COL25A1: variants seen among roughly 807,000 people sequenced by gnomAD.
COL25A1 encodes collagen type XXV alpha 1 chain.
In COL25A1, 103 loss-of-function variants were observed where a neutral mutation model predicts 128.4. The ratio of observed to expected loss-of-function variants is 0.80; its 90% CI spans 0.68 to 0.94. The LOEUF (loss-of-function observed/expected upper bound fraction) is 0.94. Among genes scored for constraint, COL25A1 ranks in the 40% least tolerant of loss-of-function variants. The pLI, the probability that COL25A1 is intolerant of heterozygous loss-of-function variation, is 0.00. For synonymous variants in COL25A1, 279 were observed against 277.2 expected (o/e 1.01, Z -0.06); for missense variants, 745 against 840.0 (o/e 0.89, Z 1.40).
chr4:109,165,398 T>A (rs1384199173), intron 3 of COL25A1, among the ~76,000 whole-genome samples: 1 of 152,108 alleles, frequency 6.6e-6, no homozygotes, highest in Non-Finnish European at 1.5e-5. Context: ...TTAAAGGGAA[T>A]TTTGGACACT....
chr4:109,082,694 G>A (rs546772721), intron 3 of COL25A1, among the ~76,000 whole-genome samples: 2 of 152,250 alleles, frequency 1.3e-5, no homozygotes, highest in Admixed American at 6.5e-5. Context: ...AGATACGCAT[G>A]CCTTGCGGGA....
At chr4:109,211,282 ATATGAAAC>A (rs1327313228) in intron 3 of COL25A1, among the ~76,000 whole-genome samples, 19 of 119,970 alleles carry the variant, frequency 1.6e-4, no homozygotes, top group South Asian at 2.9e-4. Context: ...AACTATATAT[ATATGAAAC>A]TATATATATA....
chr4:109,012,300 T>C lies in COL25A1; in HGVS notation c.421-1925A>G, dbSNP rs184503266. Among the ~76,000 whole-genome samples the C allele has an allele frequency of 1.3e-3, 202 of 152,354 alleles. 4 individuals carry two copies. Among genetic ancestry groups the C allele is most frequent in the Admixed American group, 0.012 (185 of 15,304 alleles). ...TTCCAGATCCATGTACTGGGTGAAA[T>C]TGAGAGGTGACAACGTGCTAGCAGC... On this transcript the variant is annotated intron_variant, in intron 5 of 37. Transcript: ENST00000399132.
intron 3 of COL25A1, among the ~76,000 whole-genome samples, chr4:109,119,791 G>T (rs1232167649): frequency 2.6e-5 from 4 of 152,018 alleles, no homozygotes; most frequent in Non-Finnish European, 5.9e-5. Context: ...TACAGGGCCA[G>T]CATTATCCTA....
At chr4:108,846,038 A>G in intron 28 of COL25A1, 101 bp downstream of exon 28, 1 of 748,082 alleles carries the variant, frequency 1.3e-6, no homozygotes, top group Non-Finnish European at 2.2e-6. Flanking sequence ...GAACCACTAG[A>G]TGAGATTGCA....
At chr4:108,886,322 G>T (rs1489002822) in intron 18 of COL25A1, among the ~76,000 whole-genome samples, 1 of 151,846 alleles carries the variant, frequency 6.6e-6, no homozygotes, top group Non-Finnish European at 1.5e-5. Context: ...ACCATAAAAG[G>T]TTATTTTCTA....
At chr4:108,948,179 G>A (rs1748997432) in intron 8 of COL25A1, among the ~76,000 whole-genome samples, 1 of 152,134 alleles carries the variant, frequency 6.6e-6, no homozygotes, top group Admixed American at 6.5e-5. Context: ...ACTGCTAGAA[G>A]GCTAAATTAA....
chr4:108,931,641 T>C (rs1308056433), intron 11 of COL25A1, among the ~76,000 whole-genome samples: 1 of 152,176 alleles, frequency 6.6e-6, no homozygotes, highest in Non-Finnish European at 1.5e-5. Context: ...TAGACACCTC[T>C]GGAGAAGTCT....
At chr4:108,975,210 T>G (rs1018552249) in intron 6 of COL25A1, among the ~76,000 whole-genome samples, 4 of 152,230 alleles carry the variant, frequency 2.6e-5, no homozygotes, top group African/African-American at 9.6e-5. Flanking sequence ...ATCCCAGCAC[T>G]TGGGGAGGCC....
At chr4:109,007,231 A>C (rs1756107790) in intron 6 of COL25A1, among the ~76,000 whole-genome samples, 1 of 152,218 alleles carries the variant, frequency 6.6e-6, no homozygotes, top group Non-Finnish European at 1.5e-5. Flanking sequence ...CAAAATATAC[A>C]GATGGATAGG....
chr4:108,941,107 T>C (rs556725390), intron 9 of COL25A1, among the ~76,000 whole-genome samples: 34 of 152,344 alleles, frequency 2.2e-4, no homozygotes, highest in African/African-American at 7.9e-4. Flanking sequence ...GCTTAGAAAC[T>C]GGATCTGTTA....
At chr4:109,210,451 A>C (rs1466772475) in intron 3 of COL25A1, among the ~76,000 whole-genome samples, 1 of 152,210 alleles carries the variant, frequency 6.6e-6, no homozygotes, top group Admixed American at 6.5e-5. Context: ...ACACTGCAGA[A>C]TGCAGTCTAC....
chr4:109,026,530 G>A (rs1758307436), intron 5 of COL25A1, among the ~76,000 whole-genome samples: 1 of 152,200 alleles, frequency 6.6e-6, no homozygotes, highest in African/African-American at 2.4e-5. Flanking sequence ...ATGTTTAAAG[G>A]TTCAGAGGCT....
chr4:108,832,978 A>AATAAATAAATAAATAAATAC lies in COL25A1; in HGVS notation c.1657-546_1657-545insGTATTTATTTATTTATTTAT, dbSNP rs1205113423. ...CGAGACTCCGTCTCAAAAAATAATA[A>AATAAATAAATAAATAAATAC]ATAAATAAATAAATAAATAAATAAA... On this transcript the variant is annotated intron_variant, in intron 31 of 37. Coordinates refer to ENST00000399132, the MANE Select transcript of COL25A1 (RefSeq NM_198721.4). 7.0e-3 allele frequency among the ~76,000 whole-genome samples: 1,051 copies of AATAAATAAATAAATAAATAC among 151,038 alleles called. 23 individuals are homozygous for AATAAATAAATAAATAAATAC. The highest frequency in any genetic ancestry group is 0.061 in the South Asian group (291 of 4,796).
chr4:109,274,003 T>G (rs1442323974), intron 3 of COL25A1, among the ~76,000 whole-genome samples: 1 of 152,190 alleles, frequency 6.6e-6, no homozygotes, highest in Admixed American at 6.5e-5. Context: ...TTAATCCAAT[T>G]CCCTCATGTA....
intron 3 of COL25A1, among the ~76,000 whole-genome samples, chr4:109,146,121 G>C (rs1181597463): frequency 6.6e-6 from 1 of 152,042 alleles, no homozygotes; most frequent in African/African-American, 2.4e-5. Flanking sequence ...TATTCATCTT[G>C]CTGTAAATTC....
intron 37 of COL25A1, 37 bp from the exon 38 acceptor site, chr4:108,813,966 A>G (rs1388335121): frequency 2.0e-6 from 3 of 1,520,718 alleles, no homozygotes; most frequent in Admixed American, 1.8e-5. Flanking sequence ...AATACATGGA[A>G]TTAGTAGTCT....
chr4:108,963,807 C>T (rs149377337), intron 8 of COL25A1, among the ~76,000 whole-genome samples: 2,323 of 151,514 alleles, frequency 0.015, 25 homozygotes, highest in Non-Finnish European at 0.021. Context: ...TAAATATATA[C>T]ATATACAAAT....
intron 3 of COL25A1, among the ~76,000 whole-genome samples, chr4:109,096,571 C>T (rs1765416921): frequency 6.6e-6 from 1 of 152,144 alleles, no homozygotes; most frequent in Admixed American, 6.5e-5. Context: ...TCTGTCATGT[C>T]CACACAATGA....
Sources: gnomAD v4.1 joint callset for allele counts (sites outside exome capture counted in the v4.1 genomes callset) on GRCh38, gnomAD v4.1.1 for gene constraint, MANE v1.5 for transcripts, NCBI Gene and HGNC (gene_info 2026-07-23, HGNC 2026-07-21) for gene names.